MID1: variants seen among roughly 807,000 people sequenced by gnomAD.
The protein encoded by MID1 is midline 1.
In MID1, 7 loss-of-function variants were observed where a neutral mutation model predicts 40.4. The observed-to-expected ratio is 0.17, with a 90% CI of 0.10 to 0.33. The LOEUF is 0.33. Ranked by LOEUF, MID1 falls within the 10% of genes least tolerant of loss-of-function variation. The pLI is 1.00. For missense variants in MID1, 367 were observed against 558.5 expected (o/e 0.66, Z 3.46); for synonymous variants, 229 against 221.2 (o/e 1.04, Z -0.31).
chrX:10,609,918 C>T (rs917156020), intron 1 of MID1, among the ~76,000 whole-genome samples: 9 of 110,668 alleles, frequency 8.1e-5, no homozygotes, highest in Non-Finnish European at 1.3e-4. Context: ...CGGGGTTTCA[C>T]CGTGTTAGCC....
chrX:10,449,432 C>A lies in MID1; in HGVS notation c.1940G>T (p.Cys647Phe). The change falls in exon 10 of 10, where the codon TGT becomes TTT. Residue 647 changes from cysteine (C) to phenylalanine (F), a missense_variant. Cys to Phe is a radical substitution (Grantham distance 205, BLOSUM62 -2). This residue lies in a region of MID1 where 275 missense variants were observed against 383.1 expected (regional missense o/e 0.72). Coordinates refer to ENST00000317552, the MANE Select transcript of MID1 (RefSeq NM_000381.4). ...AGGGAGCCCAGTGATAATCGTCAGACACTTGTTCCACACGGTGAAGGTGGG... is the reference window on the plus strand; with the variant it reads ...AGGGAGCCCAGTGATAATCGTCAGAAACTTGTTCCACACGGTGAAGGTGGG... Reference protein sequence around the residue: ...VCPTFTVWNKCLTIITGLPIP... With the variant: ...VCPTFTVWNKFLTIITGLPIP... 2 of 1,211,864 alleles carry A rather than the reference C, an allele frequency of 1.7e-6. No homozygotes were observed. Among genetic ancestry groups the A allele is most frequent in the African/African-American group, 3.5e-5 (2 of 57,815 alleles).
chrX:10,824,969 G>C lies in MID1; in HGVS notation c.-187+8585C>G, dbSNP rs192081799. On this transcript the variant is annotated intron_variant, in intron 1 of 10. Transcript: ENST00000380785. ...TTACACAAGTGAAATGACAAAATGG[G>C]TTGCCTCCCACTCTCTCCCACACGT... 1.6e-3 allele frequency among the ~76,000 whole-genome samples: 178 copies of C among 111,431 alleles called. 2 individuals are homozygous for C. Among genetic ancestry groups the C allele is most frequent in the African/African-American group, 5.5e-3 (170 of 30,690 alleles).
chrX:10,455,310 G>A (rs1055810913), intron 8 of MID1, among the ~76,000 whole-genome samples: 5 of 111,776 alleles, frequency 4.5e-5, no homozygotes, highest in African/African-American at 1.6e-4. Flanking sequence ...AAAGACAATA[G>A]AGAGCAGCAA....
chrX:10,782,692 AAT>A (rs1490590984), intron 1 of MID1, among the ~76,000 whole-genome samples: 1 of 112,441 alleles, frequency 8.9e-6, no homozygotes, highest in East Asian at 2.8e-4. Flanking sequence ...TGAATCTAGT[AAT>A]ATAGTTTTAA....
intron 3 of MID1, among the ~76,000 whole-genome samples, chrX:10,514,268 T>C (rs941906883): frequency 5.3e-5 from 6 of 112,452 alleles, no homozygotes; most frequent in African/African-American, 1.9e-4. Flanking sequence ...TAATGTTTTA[T>C]ATAAAGTTTC....
chrX:10,498,892 A>G (rs1278521637), intron 3 of MID1, among the ~76,000 whole-genome samples: 2 of 111,962 alleles, frequency 1.8e-5, no homozygotes, highest in East Asian at 5.6e-4. Flanking sequence ...TTTGTTCACT[A>G]TAAATAATAT....
chrX:10,616,992 G>T (rs1175869069), intron 1 of MID1, among the ~76,000 whole-genome samples: 1 of 112,675 alleles, frequency 8.9e-6, no homozygotes, highest in East Asian at 2.8e-4. Context: ...CTTTTGAACT[G>T]TTAAGAGTCT....
chrX:10,833,216 A>G (rs913649425), intron 1 of MID1, among the ~76,000 whole-genome samples: 4 of 111,907 alleles, frequency 3.6e-5, no homozygotes, highest in African/African-American at 1.3e-4. Context: ...TTCCTTGGGG[A>G]CTCAGCCTTC....
chrX:10,775,619 T>G (rs1029410823), intron 1 of MID1, among the ~76,000 whole-genome samples: 4 of 111,777 alleles, frequency 3.6e-5, no homozygotes, highest in Non-Finnish European at 7.5e-5. Context: ...AACACAGACA[T>G]TAATGAAGCC....
chrX:10,629,976 C>G (rs1355871225), intron 1 of MID1, among the ~76,000 whole-genome samples: 1 of 112,046 alleles, frequency 8.9e-6, no homozygotes, highest in Non-Finnish European at 1.9e-5. Flanking sequence ...ATGCCTTAAC[C>G]ATATGCTAAC....
chrX:10,466,071 C>T (rs1156630902), intron 7 of MID1, among the ~76,000 whole-genome samples: 1 of 111,970 alleles, frequency 8.9e-6, no homozygotes, highest in Non-Finnish European at 1.9e-5. Flanking sequence ...CACTCATCAA[C>T]AGACGTTGGT....
At chrX:10,739,520 G>A (rs2147108188) in intron 1 of MID1, among the ~76,000 whole-genome samples, 2 of 111,830 alleles carry the variant, frequency 1.8e-5, no homozygotes, top group African/African-American at 6.5e-5. Flanking sequence ...ATTAGCACAA[G>A]AAATTTGGGA....
chrX:10,757,204 G>A (rs1316708706), intron 1 of MID1, among the ~76,000 whole-genome samples: 1 of 112,244 alleles, frequency 8.9e-6, no homozygotes, highest in African/African-American at 3.2e-5. Flanking sequence ...AGGTTGTGCT[G>A]CTGCTAGTGC....
At chrX:10,488,760 G>A (rs1280993448) in intron 4 of MID1, among the ~76,000 whole-genome samples, 1 of 110,737 alleles carries the variant, frequency 9.0e-6, no homozygotes, top group African/African-American at 3.3e-5. Context: ...AGCTGCCAGC[G>A]AATATAAGCA....
In MID1 at chrX:10,533,493, T is replaced by C. The variant is rs1484769930; in HGVS notation, c.661-10306A>G. ...ATGGTAAAAAAAAAAAAACAGTCCA[T>C]GTAGTTTTTAATTAATTTATACATA... On this transcript the variant is annotated intron_variant, in intron 2 of 9. Transcript: ENST00000317552. 4.7e-5 allele frequency among the ~76,000 whole-genome samples: 5 copies of C among 106,249 alleles called. No homozygotes were observed. In the Admixed American group the frequency reaches 5.0e-4, roughly 11 times the overall value. The allele number at this position is 106,249 out of a possible 115,157, so 92.3% of individuals were successfully genotyped here. A position where few individuals can be genotyped will look rare whatever the true frequency, so the allele number is the denominator to read the frequency against.
At chrX:10,727,161 C>T (rs779064742) in intron 1 of MID1, among the ~76,000 whole-genome samples, 1 of 112,279 alleles carries the variant, frequency 8.9e-6, no homozygotes, top group African/African-American at 3.2e-5. Flanking sequence ...GTTGCCCAGG[C>T]TGGAGTGCAA....
chrX:10,687,353 G>A (rs2043105828), intron 1 of MID1, among the ~76,000 whole-genome samples: 1 of 112,102 alleles, frequency 8.9e-6, no homozygotes, highest in South Asian at 3.8e-4. Flanking sequence ...GCCTAAAGAA[G>A]GCAGGGCAAG....
chrX:10,457,340 G>A (rs778126865), intron 8 of MID1, among the ~76,000 whole-genome samples: 112 of 111,887 alleles, frequency 1.0e-3, no homozygotes, highest in African/African-American at 3.5e-3. Flanking sequence ...CAATCTTGGT[G>A]AGCAAATTCT....
In MID1 at chrX:10,473,330, C is replaced by T. The variant is rs781298868; in HGVS notation, c.1141+1293G>A. On this transcript the variant is annotated intron_variant, in intron 6 of 9. Transcript: ENST00000317552. ...ATTTGAAACCAAGTTTAGTTCCATACGGTAAATGCTTTTTTAGTCAATTTC... is the reference window on the plus strand; with the variant it reads ...ATTTGAAACCAAGTTTAGTTCCATATGGTAAATGCTTTTTTAGTCAATTTC... Among the ~76,000 whole-genome samples, 8 of 112,208 alleles carry T rather than the reference C, an allele frequency of 7.1e-5. No individual in the cohort carries two copies. In the South Asian group the frequency reaches 1.1e-3, roughly 16 times the overall value.
Sources: gnomAD v4.1 joint callset for allele counts (sites outside exome capture counted in the v4.1 genomes callset) on GRCh38, gnomAD v4.1.1 for gene constraint, gnomAD v4.1.1 regional missense constraint, MANE v1.5 for transcripts, NCBI Gene and HGNC (gene_info 2026-07-23, HGNC 2026-07-21) for gene names.